The following PARP1 variants were observed in gnomAD, a reference collection of about 807,000 sequenced individuals.
PARP1 encodes poly [ADP-ribose] polymerase 1.
Under a neutral mutation model 118.7 loss-of-function variants are expected in PARP1, and 44 were observed. The observed-to-expected ratio is 0.37, with a 90% CI of 0.29 to 0.48. The LOEUF (loss-of-function observed/expected upper bound fraction) is 0.48. Ranked by LOEUF, PARP1 falls within the 20% of genes least tolerant of loss-of-function variation. The pLI is 0.99. For synonymous variants in PARP1, 492 were observed against 483.2 expected (o/e 1.02, Z -0.24); for missense variants, 1,100 against 1,272.4 (o/e 0.86, Z 2.06).
Position 226,383,118 on chromosome 1 carries a change from TG to T in PARP1, c.1076del (p.Pro359GlnfsTer22). ...TGGCCGCCACGGAGGCGCTGGTTTC[TG>T]GGGGGAATATACGGTCCTGTTTTTT... ...KVKKQDRIFP[P>X]ETSASVAATP... On this transcript the variant is annotated frameshift_variant, in exon 8 of 23. Transcript: ENST00000366794. LOFTEE classifies it high-confidence loss of function. 1 of 1,612,784 alleles carries T rather than the reference TG, an allele frequency of 6.2e-7. No individual in the cohort carries two copies. Among genetic ancestry groups the T allele is most frequent in the Non-Finnish European group, 8.5e-7 (1 of 1,179,390 alleles).
At chr1:226,377,049 G>A (rs1664505860) in intron 13 of PARP1, 59 bp downstream of exon 13, 3 of 1,442,374 alleles carry the variant, frequency 2.1e-6, no homozygotes. Flanking sequence ...GGATTTTCTA[G>A]AATAAGGTGT....
Position 226,361,421 on chromosome 1 carries a change from T to C in PARP1, c.*39A>G, listed in dbSNP as rs544978843. 5 of 1,413,748 alleles carry C rather than the reference T, an allele frequency of 3.5e-6. No individual in the cohort carries two copies. The Admixed American group carries it at 5.0e-5, about 14-fold the overall frequency. 87.6% of individuals were successfully genotyped at this position (1,413,748 alleles called of 1,614,324 possible). The stretch of plus-strand genomic sequence containing the variant: ...TGCAGAAGCGCTTCGGGTGAATTCA[T>C]ACCAGAGCCACCGGGTGTGACTCGG... On this transcript the variant is annotated 3_prime_UTR_variant, in exon 23 of 23. Transcript: ENST00000366794.
chr1:226,361,856 C>T (rs567118769), intron 22 of PARP1, 113 bp downstream of exon 22: 2 of 745,092 alleles, frequency 2.7e-6, no homozygotes, highest in East Asian at 2.7e-5. Flanking sequence ...ATGGGACACA[C>T]TACAGGACAG....
At position 226,387,782 on chromosome 1, in the gene PARP1, T is replaced by C. The variant is rs3219051; in HGVS notation, c.717+874A>G. 3.1e-3 allele frequency among the ~76,000 whole-genome samples: 474 copies of C among 152,270 alleles called. 24 individuals are homozygous for C. The South Asian group carries it at 0.081, about 26-fold the overall frequency. On this transcript the variant is annotated intron_variant, in intron 5 of 22. Coordinates refer to ENST00000366794, the MANE Select transcript of PARP1 (RefSeq NM_001618.4). ...ACTCTCTATACATCTCTGATACCACTAGGGAAGAGAGAAGGACACTAATCT... is the reference window on the plus strand; with the variant it reads ...ACTCTCTATACATCTCTGATACCACCAGGGAAGAGAGAAGGACACTAATCT...
chr1:226,402,467 T>TCCCAGC, intron 1 of PARP1, 88 bp from the exon 2 acceptor site: 1 of 1,280,336 alleles, frequency 7.8e-7, no homozygotes, highest in Admixed American at 2.0e-5. Context: ...TCGACCCCAG[T>TCCCAGC]CCCAGCCCCA....
chr1:226,367,316 C>G (rs1380148354), intron 17 of PARP1, 164 bp downstream of exon 17: 3 of 826,322 alleles, frequency 3.6e-6, no homozygotes, highest in African/African-American at 1.7e-5. Context: ...CTCAAAGGAC[C>G]ACCAGCAGCA....
chr1:226,378,848 T>C (rs958682279), intron 12 of PARP1, among the ~76,000 whole-genome samples: 5 of 151,804 alleles, frequency 3.3e-5, no homozygotes, highest in Non-Finnish European at 5.9e-5. Flanking sequence ...ACAAAACAAA[T>C]AGTTGCAAAA....
At chr1:226,371,862 C>T (rs985465503) in intron 14 of PARP1, among the ~76,000 whole-genome samples, 10 of 108,602 alleles carry the variant, frequency 9.2e-5, no homozygotes, top group East Asian at 2.0e-4. Context: ...TCAAAACATA[C>T]GCACAGACTA....
chr1:226,397,188 T>C (rs534617255), intron 2 of PARP1, among the ~76,000 whole-genome samples: 29 of 149,850 alleles, frequency 1.9e-4, no homozygotes, highest in Admixed American at 4.0e-4. Context: ...AAAAAATTAG[T>C]TGGGCAACTG....
intron 2 of PARP1, among the ~76,000 whole-genome samples, chr1:226,396,353 T>C (rs762360633): frequency 1.5e-4 from 22 of 151,014 alleles, no homozygotes; most frequent in Admixed American, 6.6e-4. Context: ...CTCAAAAAAA[T>C]TTTTTTTTAA....
rs1664357586 is a variant in PARP1 at position 226,370,420 on chromosome 1, A to G, written c.2154+14T>C. ...AGGAGGGTTCCAGGAGGCCCCTGGT[A>G]GCCCTGTGCTTACCTGCTGGACCTC... On this transcript the variant is annotated intron_variant, in intron 15 of 22. Coordinates refer to ENST00000366794, the MANE Select transcript of PARP1 (RefSeq NM_001618.4). The G allele has an allele frequency of 1.9e-6, 3 of 1,605,046 alleles. No homozygotes were observed. The highest frequency in any genetic ancestry group is 2.6e-6 in the Non-Finnish European group (3 of 1,171,910).
chr1:226,397,020 AT>A (rs767517046), intron 2 of PARP1, among the ~76,000 whole-genome samples: 12 of 152,056 alleles, frequency 7.9e-5, no homozygotes, highest in Non-Finnish European at 1.8e-4. Context: ...AGCCAGGTGT[AT>A]TTGCTCATGC....
rs574149456 is a variant in PARP1, at chr1:226,393,049, T to C, written c.287-735A>G. 253 of 1,355,826 alleles carry C rather than the reference T, an allele frequency of 1.9e-4. 5 individuals are homozygous for C. The South Asian group carries it at 3.5e-3, about 19-fold the overall frequency. The allele number at this position is 1,355,826 out of a possible 1,614,324, so 84.0% of individuals were successfully genotyped here. A position where few individuals can be genotyped will look rare whatever the true frequency, so the allele number is the denominator to read the frequency against. ...GTTTGGAAAATAGTAAGTAAAGCCA[T>C]CTCTACTTGTAGATGATTCTATTTG... On this transcript the variant is annotated intron_variant, in intron 2 of 22. Coordinates refer to ENST00000366794, the MANE Select transcript of PARP1 (RefSeq NM_001618.4).
At position 226,407,947 on chromosome 1, in the gene PARP1, C is replaced by T. The variant is rs754091465; in HGVS notation, c.-18G>A. ...TCCGCCATCCTCCCCTAGCTGCCGCCAAAGCTCCGGAAGCCCGACGCCACG... is the reference window on the plus strand; with the variant it reads ...TCCGCCATCCTCCCCTAGCTGCCGCTAAAGCTCCGGAAGCCCGACGCCACG... On this transcript the variant is annotated 5_prime_UTR_variant, in exon 1 of 23. Coordinates refer to ENST00000366794, the MANE Select transcript of PARP1 (RefSeq NM_001618.4). 1.9e-6 allele frequency: 3 copies of T among 1,611,956 alleles called. No homozygotes were observed. Among genetic ancestry groups the T allele is most frequent in the Non-Finnish European group, 2.5e-6 (3 of 1,178,934 alleles).
Position 226,370,611 on chromosome 1 carries a change from C to A in PARP1, c.2071-94G>T, listed in dbSNP as rs566015842. The A allele has an allele frequency of 1.4e-4, 122 of 898,914 alleles. No homozygotes were observed. The African/African-American group carries it at 1.9e-3, about 14-fold the overall frequency. 55.7% of individuals were successfully genotyped at this position (898,914 alleles called of 1,614,324 possible). A position where few individuals can be genotyped will look rare whatever the true frequency, so the allele number is the denominator to read the frequency against. The stretch of plus-strand genomic sequence containing the variant: ...GGGCAGCCCACCCTCAGGCCCCCAA[C>A]AGGAGCAGTCAGGAGCCTGCTGGGA... On this transcript the variant is annotated intron_variant, in intron 14 of 22. Transcript: ENST00000366794.
At chr1:226,393,215 G>C (rs549266934) in intron 2 of PARP1, among the ~76,000 whole-genome samples, 1 of 152,032 alleles carries the variant, frequency 6.6e-6, no homozygotes, top group Non-Finnish European at 1.5e-5. Context: ...GAAAAGGCAA[G>C]GACACTGGTA....
In PARP1 at chr1:226,381,756, A is replaced by G. The variant is rs987418142; in HGVS notation, c.1160-548T>C. ...CTGGTGTGCACTGACCCAGGCCAGA[A>G]AGGCCTGGACAGGGGTGTGCCTTCT... On this transcript the variant is annotated intron_variant, in intron 8 of 22. Transcript: ENST00000366794. Among the ~76,000 whole-genome samples, 4 of 152,212 alleles carry G rather than the reference A, an allele frequency of 2.6e-5. No homozygotes were observed. The South Asian group carries it at 8.3e-4, about 32-fold the overall frequency.
chr1:226,363,840 G>T, intron 20 of PARP1, 103 bp downstream of exon 20: 1 of 1,239,466 alleles, frequency 8.1e-7, no homozygotes, highest in Non-Finnish European at 1.2e-6. Context: ...TCCAGTAACT[G>T]CAGTGGGGAA....
chr1:226,383,013 G>T, intron 8 of PARP1, 23 bp downstream of exon 8: 1 of 1,611,936 alleles, frequency 6.2e-7, no homozygotes, highest in South Asian at 1.1e-5. Flanking sequence ...GCAGCTCTAA[G>T]ACCGGGGTCC....
Sources: allele counts gnomAD v4.1 joint callset (sites outside exome capture counted in the v4.1 genomes callset), GRCh38; gene constraint gnomAD v4.1.1; transcripts MANE v1.5; gene names NCBI Gene and HGNC (gene_info 2026-07-23, HGNC 2026-07-21).